Variants in SBNO1 observed in about 807,000 individuals in gnomAD.
SBNO1 encodes the protein strawberry notch homolog 1.
A neutral mutation model predicts 173.6 loss-of-function variants in SBNO1; 23 were observed. The observed-to-expected ratio is 0.13, with a 90% CI of 0.10 to 0.19. The LOEUF (loss-of-function observed/expected upper bound fraction) is 0.19, where lower values mean the gene tolerates loss of function less well. Among genes scored for constraint, SBNO1 ranks in the 10% least tolerant of loss-of-function variants. SBNO1 has a pLI of 1.00. For synonymous variants in SBNO1, 632 were observed against 571.5 expected (o/e 1.11, Z -1.51); for missense variants, 1,238 against 1,671.2 (o/e 0.74, Z 4.52).
chr12:123,327,798 G>A lies in SBNO1; in HGVS notation c.1447C>T (p.Arg483Cys), dbSNP rs755096718. 6.2e-7 allele frequency: 1 copy of A among 1,613,580 alleles called. No homozygotes were observed. Among genetic ancestry groups the A allele is most frequent in the Non-Finnish European group, 8.5e-7 (1 of 1,179,722 alleles). ...AGACGGTTCATATAGGCCATGTTGC[G>A]TGGTTCAGAAGCACCTGAAAATCCC... ...YASATGASEP[R>C]NMAYMNRLGI... The change falls in exon 12 of 32, where the codon CGC becomes TGC. Residue 483 changes from arginine to cysteine, a missense_variant. By Grantham distance (180) the Arg-to-Cys change is radical. Around this residue, in one of 14 missense-constraint regions of SBNO1, gnomAD observed 182 missense variants for 339.9 expected, o/e 0.54. Coordinates refer to ENST00000602398, the MANE Select transcript of SBNO1 (RefSeq NM_001167856.3).
chr12:123,360,055 C>T (rs1247769894), intron 1 of SBNO1, among the ~76,000 whole-genome samples: 2 of 152,082 alleles, frequency 1.3e-5, no homozygotes, highest in East Asian at 1.9e-4. Flanking sequence ...GCCTGGCCAA[C>T]GTGATGAAAC....
At chr12:123,356,173 G>A (rs758494399) in intron 1 of SBNO1, among the ~76,000 whole-genome samples, 48 of 152,054 alleles carry the variant, frequency 3.2e-4, no homozygotes, top group Middle Eastern at 3.2e-3. Context: ...AGTATGATAT[G>A]GTCAAGTGAG....
chr12:123,307,355 G>A (rs1020723688), intron 28 of SBNO1, among the ~76,000 whole-genome samples: 8 of 151,350 alleles, frequency 5.3e-5, no homozygotes, highest in African/African-American at 1.9e-4. Context: ...AGGAAGGTGG[G>A]AAAAAAAAGA....
chr12:123,311,122 T>A lies in SBNO1; in HGVS notation c.3228A>T (p.Arg1076=), dbSNP rs1427349119. 2 of 1,612,726 alleles carry A rather than the reference T, an allele frequency of 1.2e-6. No homozygotes were observed. Among genetic ancestry groups the A allele is most frequent in the Non-Finnish European group, 1.7e-6 (2 of 1,178,778 alleles). The part of the protein sequence containing the change: ...DYPGEFFKDV[R]QGLIGVGLIN... The stretch of plus-strand genomic sequence containing the variant: ...TCAGGCCAACGCCTATCAGTCCTTG[T>A]CGAACATCTGTAAGAACAGGATCAA... Residue 1076 remains arginine (R), a synonymous_variant, in exon 25 of 32, where the codon CGA becomes CGT. Coordinates refer to ENST00000602398, the MANE Select transcript of SBNO1 (RefSeq NM_001167856.3).
At chr12:123,325,317 A>T (rs1870496214) in intron 15 of SBNO1, among the ~76,000 whole-genome samples, 185 bp downstream of exon 15, 1 of 152,228 alleles carries the variant, frequency 6.6e-6, no homozygotes, top group African/African-American at 2.4e-5. Context: ...TTTTAGGATT[A>T]TGAGATTTCT....
At chr12:123,340,265 T>C (rs1453061328) in intron 5 of SBNO1, among the ~76,000 whole-genome samples, 2 of 152,260 alleles carry the variant, frequency 1.3e-5, no homozygotes, top group Non-Finnish European at 2.9e-5. Context: ...ATCCAAAGCA[T>C]ACAGCATTTT....
At chr12:123,354,381 G>C (rs1428021783) in intron 1 of SBNO1, among the ~76,000 whole-genome samples, 1 of 152,104 alleles carries the variant, frequency 6.6e-6, no homozygotes, top group African/African-American at 2.4e-5. Flanking sequence ...AGCTACTAAT[G>C]AAAGAGATTT....
At position 123,292,990 on chromosome 12, in the gene SBNO1, A is replaced by G. The variant is rs1325536597; in HGVS notation, c.*2918T>C. 6.6e-6 allele frequency: 1 copy of G among 152,230 alleles called. No individual in the cohort carries two copies. The highest frequency in any genetic ancestry group is 1.5e-5 in the Non-Finnish European group (1 of 68,044). The allele number at this position is 152,230 out of a possible 1,614,324, so 9.4% of individuals were successfully genotyped here. On this transcript the variant is annotated 3_prime_UTR_variant, in exon 32 of 32. Transcript: ENST00000602398. ...GAGGGGAACACTAATTCCCCCAGAG[A>G]TAACATCTGAGCTGCTTTAGACTCT...
At chr12:123,361,017 A>G (rs1875092193) in intron 1 of SBNO1, among the ~76,000 whole-genome samples, 1 of 152,006 alleles carries the variant, frequency 6.6e-6, no homozygotes, top group South Asian at 2.1e-4. Flanking sequence ...AGGCCGAGGC[A>G]GGCGGATCAC....
chr12:123,359,549 C>T (rs1488941288), intron 1 of SBNO1, among the ~76,000 whole-genome samples: 3 of 50,956 alleles, frequency 5.9e-5, no homozygotes, highest in African/African-American at 8.4e-5. Flanking sequence ...AGGGAGACTC[C>T]GTCTCAAAAA....
intron 31 of SBNO1, among the ~76,000 whole-genome samples, chr12:123,296,848 C>T (rs1344143735): frequency 6.7e-6 from 1 of 149,990 alleles, no homozygotes; most frequent in African/African-American, 2.4e-5. Context: ...TGTGAGCCAC[C>T]GTGCCCGGCC....
Position 123,320,843 on chromosome 12 carries a change from G to A in SBNO1, c.2347C>T (p.His783Tyr), listed in dbSNP as rs1375417323. Residue 783 changes from histidine (H) to tyrosine (Y), a missense_variant, in exon 18 of 32, where the codon CAC becomes TAC. This residue lies in a region of SBNO1 where 33 missense variants were observed against 29.6 expected (regional missense o/e 1.11). Transcript: ENST00000602398. ...ENDPWLIRKD[H>Y]KKNKEKKKKK... The stretch of plus-strand genomic sequence containing the variant: ...TTTTTTTTCTCTTTGTTTTTCTTGT[G>A]GTCTTTTCTAATTAACCAGGGATCT... 1.4e-5 allele frequency: 22 copies of A among 1,584,002 alleles called. No homozygotes were observed. The highest frequency in any genetic ancestry group is 2.7e-5 in the African/African-American group (2 of 73,020).
At chr12:123,308,225 A>G (rs556769449) in intron 28 of SBNO1, among the ~76,000 whole-genome samples, 1 of 152,336 alleles carries the variant, frequency 6.6e-6, no homozygotes, top group African/African-American at 2.4e-5. Context: ...ACATGTATAG[A>G]TGTGTGCGCA....
At chr12:123,338,554 C>A (rs933642391) in intron 5 of SBNO1, among the ~76,000 whole-genome samples, 1 of 151,986 alleles carries the variant, frequency 6.6e-6, no homozygotes, top group African/African-American at 2.4e-5. Flanking sequence ...GGCGTAGTGG[C>A]GGGCGCCTGT....
rs1010553591 is a variant in SBNO1 at position 123,293,581 on chromosome 12, A to G, written c.*2327T>C. 6.6e-6 allele frequency: 1 copy of G among 152,114 alleles called. No individual in the cohort carries two copies. The highest frequency in any genetic ancestry group is 2.4e-5 in the African/African-American group (1 of 41,416). 9.4% of individuals were successfully genotyped at this position (152,114 alleles called of 1,614,324 possible). ...CACACTGGTTGCCTTTGTGAGGTCC[A>G]TTTTGAGAGGGCTTTCAGAGGCCTT... On this transcript the variant is annotated 3_prime_UTR_variant, in exon 32 of 32. Transcript: ENST00000602398.
At chr12:123,334,753 G>A (rs958636504) in intron 6 of SBNO1, among the ~76,000 whole-genome samples, 1 of 146,454 alleles carries the variant, frequency 6.8e-6, no homozygotes, top group Non-Finnish European at 1.5e-5. Flanking sequence ...ATAAAATAGA[G>A]ATTTGCTGAT....
chr12:123,329,844 C>A (rs57290002), intron 9 of SBNO1, among the ~76,000 whole-genome samples: 16,306 of 152,182 alleles, frequency 0.11, 2,918 homozygotes, highest in African/African-American at 0.37. Context: ...ATAGCACCAA[C>A]AATTGGTGCA....
At chr12:123,355,502 G>T (rs1158651533) in intron 1 of SBNO1, among the ~76,000 whole-genome samples, 1 of 152,060 alleles carries the variant, frequency 6.6e-6, no homozygotes, top group East Asian at 1.9e-4. Flanking sequence ...TTCTCAGGAG[G>T]CTGAGGCAGG....
chr12:123,314,408 C>T (rs1869016918), intron 23 of SBNO1, among the ~76,000 whole-genome samples: 1 of 151,782 alleles, frequency 6.6e-6, no homozygotes, highest in Non-Finnish European at 1.5e-5. Flanking sequence ...CGGCTCACTG[C>T]AACCTCTGCA....
Sources: allele counts gnomAD v4.1 joint callset (sites outside exome capture counted in the v4.1 genomes callset), GRCh38; gene constraint gnomAD v4.1.1; regional missense constraint gnomAD v4.1.1; transcripts MANE v1.5; gene names NCBI Gene and HGNC (gene_info 2026-07-23, HGNC 2026-07-21).